SLCO1A2: variants seen among roughly 807,000 people sequenced by gnomAD.
SLCO1A2 encodes OATP-1.
In SLCO1A2, 67 loss-of-function variants were observed where a neutral mutation model predicts 69.0. That is an observed-to-expected ratio of 0.97 (90% CI 0.80 to 1.19). The LOEUF is 1.19. Ranked by LOEUF, SLCO1A2 falls within the 50% of genes most tolerant of loss-of-function variation. The pLI, the probability that SLCO1A2 is intolerant of heterozygous loss-of-function variation, is 0.00. For missense variants in SLCO1A2, 787 were observed against 793.7 expected, an observed-to-expected ratio of 0.99 and a Z score of 0.10; for synonymous variants, 260 against 265.9, an observed-to-expected ratio of 0.98 and a Z score of 0.22.
chr12:21,395,960 G>C (rs1274984604), upstream of SLCO1A2, among the ~76,000 whole-genome samples: 1 of 150,782 alleles, frequency 6.6e-6, no homozygotes, highest in Non-Finnish European at 1.5e-5. Flanking sequence ...CTAAAAAGCA[G>C]AGCGCCTCTC....
intron 1 of SLCO1A2, among the ~76,000 whole-genome samples, chr12:21,412,330 G>T (rs756570611): frequency 6.6e-6 from 1 of 151,846 alleles, no homozygotes; most frequent in African/African-American, 2.4e-5. Flanking sequence ...GCAGTGAGCC[G>T]AGATTGCACC....
intron 2 of SLCO1A2, among the ~76,000 whole-genome samples, chr12:21,366,100 G>A (rs1000715124): frequency 5.3e-5 from 8 of 152,132 alleles, no homozygotes; most frequent in East Asian, 1.9e-4. Context: ...ACATGCATAC[G>A]TATGTTTATT....
In SLCO1A2 at chr12:21,294,302, A is replaced by T. The variant is rs188545480; in HGVS notation, c.1272-192T>A. On this transcript the variant is annotated intron_variant, in intron 10 of 14. Coordinates refer to ENST00000683939, the MANE Select transcript of SLCO1A2 (RefSeq NM_001386879.1). ...GACCTGCTTTGATGACCACATAGCC[A>T]CTCCTTCAATGATTTATCTCAGAAG... The T allele has an allele frequency of 8.6e-4, 353 of 412,506 alleles. 1 individual carries two copies. The highest frequency in any genetic ancestry group is 2.4e-3 in the Admixed American group (54 of 22,958). The allele number at this position is 412,506 out of a possible 1,614,324, so 25.6% of individuals were successfully genotyped here.
At chr12:21,352,835 C>T (rs972920917) in intron 2 of SLCO1A2, among the ~76,000 whole-genome samples, 7 of 152,170 alleles carry the variant, frequency 4.6e-5, no homozygotes, top group Non-Finnish European at 8.8e-5. Context: ...GGGGGAAGTA[C>T]ATAAGGTGTA....
At chr12:21,371,982 A>G (rs886190776) in intron 2 of SLCO1A2, among the ~76,000 whole-genome samples, 8 of 152,092 alleles carry the variant, frequency 5.3e-5, no homozygotes, top group Non-Finnish European at 1.0e-4. Context: ...AGCCTGGGCA[A>G]CAAAGAGTGA....
At chr12:21,366,825 A>G (rs1939425187) in intron 2 of SLCO1A2, among the ~76,000 whole-genome samples, 1 of 151,992 alleles carries the variant, frequency 6.6e-6, no homozygotes, top group Non-Finnish European at 1.5e-5. Flanking sequence ...AGGAAACTTC[A>G]TAGAAGTTAA....
Position 21,274,494 on chromosome 12 carries a change from T to C in SLCO1A2, c.1768A>G (p.Arg590Gly). The C allele has an allele frequency of 1.2e-6, 2 of 1,612,328 alleles. No homozygotes were observed. Among genetic ancestry groups the C allele is most frequent in the Non-Finnish European group, 1.7e-6 (2 of 1,178,456 alleles). The change falls in exon 14 of 15, where the codon AGG becomes GGG. Residue 590 changes from arginine (R) to glycine (G), a missense_variant. Arg to Gly is a moderately radical substitution (Grantham distance 125, BLOSUM62 -2). Transcript: ENST00000683939. ...TLKCGESGAC[R>G]IYDSTTFRYI... ...CTGAAGGTGGTGGAATCATATATCC[T>C]GCATGCCCCTGACTCACCACATTTC... is the stretch of plus-strand genomic sequence containing the variant.
intron 2 of SLCO1A2, among the ~76,000 whole-genome samples, chr12:21,353,120 C>G (rs1938091167): frequency 6.6e-6 from 1 of 152,000 alleles, no homozygotes; most frequent in Non-Finnish European, 1.5e-5. Flanking sequence ...TGCTTAAAAC[C>G]CCTATTATAA....
chr12:21,272,203 T>A (rs1450779499), intron 14 of SLCO1A2, among the ~76,000 whole-genome samples: 3 of 151,828 alleles, frequency 2.0e-5, no homozygotes, highest in Non-Finnish European at 4.4e-5. Flanking sequence ...TTAACAATTA[T>A]CCATGTATTC....
intron 6 of SLCO1A2, among the ~76,000 whole-genome samples, chr12:21,303,444 A>C (rs1472608340): frequency 6.6e-6 from 1 of 152,170 alleles, no homozygotes; most frequent in South Asian, 2.1e-4. Context: ...GTGAAAAGTC[A>C]CTTGGGTTAA....
intron 2 of SLCO1A2, among the ~76,000 whole-genome samples, chr12:21,340,246 C>T (rs1449378671): frequency 1.3e-5 from 2 of 151,982 alleles, no homozygotes; most frequent in African/African-American, 2.4e-5. Flanking sequence ...ATCATGTAAA[C>T]ACAGTCATAG....
chr12:21,314,047 T>A (rs199870331), intron 4 of SLCO1A2, among the ~76,000 whole-genome samples: 2 of 151,350 alleles, frequency 1.3e-5, no homozygotes, highest in East Asian at 3.9e-4. Flanking sequence ...CTAAAAGTTA[T>A]AAGCACTTGC....
chr12:21,333,445 C>T (rs1156693716), intron 2 of SLCO1A2, among the ~76,000 whole-genome samples: 1 of 152,060 alleles, frequency 6.6e-6, no homozygotes, highest in Non-Finnish European at 1.5e-5. Context: ...AAAAATAGTT[C>T]TTTCATGCTT....
chr12:21,372,052 A>C (rs1939838061), intron 2 of SLCO1A2, among the ~76,000 whole-genome samples: 1 of 152,136 alleles, frequency 6.6e-6, no homozygotes, highest in Non-Finnish European at 1.5e-5. Flanking sequence ...AAGAAAAAGA[A>C]AAAGCAATTT....
chr12:21,385,603 G>A lies in SLCO1A2; in HGVS notation c.-190+9303C>T, dbSNP rs190956496. ...AACGGAAAAAGAGCAAAAGAGAAGGGCATGAAGGAGTCCTATTACCGTACA... is the reference window on the plus strand; with the variant it reads ...AACGGAAAAAGAGCAAAAGAGAAGGACATGAAGGAGTCCTATTACCGTACA... On this transcript the variant is annotated intron_variant, in intron 1 of 15. Coordinates refer to the SLCO1A2 transcript ENST00000307378. Among the ~76,000 whole-genome samples the A allele has an allele frequency of 2.2e-4, 34 of 152,316 alleles. 1 individual carries two copies. In the East Asian group the frequency reaches 5.8e-3, roughly 26 times the overall value.
At chr12:21,319,226 C>T in intron 2 of SLCO1A2, 1 of 783,254 alleles carries the variant, frequency 1.3e-6, no homozygotes, top group East Asian at 4.7e-5. Context: ...TTAAACATGT[C>T]TTCAGAGCTA....
intron 2 of SLCO1A2, among the ~76,000 whole-genome samples, chr12:21,333,976 C>A (rs1279054073): frequency 2.6e-5 from 4 of 151,934 alleles, no homozygotes; most frequent in Non-Finnish European, 5.9e-5. Context: ...AAACCACTTG[C>A]AGGCACTAGC....
chr12:21,284,217 G>A (rs1945310591), intron 12 of SLCO1A2, among the ~76,000 whole-genome samples: 1 of 152,096 alleles, frequency 6.6e-6, no homozygotes, highest in African/African-American at 2.4e-5. Flanking sequence ...ACATATACAG[G>A]ATGGAGTAAT....
intron 11 of SLCO1A2, among the ~76,000 whole-genome samples, chr12:21,292,813 C>T (rs1005393373): frequency 2.5e-4 from 38 of 152,128 alleles, no homozygotes; most frequent in Non-Finnish European, 4.0e-4. Flanking sequence ...CAACTGGTCT[C>T]GAACTCCTGA....
Sources: gnomAD v4.1 joint callset for allele counts (sites outside exome capture counted in the v4.1 genomes callset) on GRCh38, gnomAD v4.1.1 for gene constraint, MANE v1.5 for transcripts, NCBI Gene and HGNC (gene_info 2026-07-23, HGNC 2026-07-21) for gene names.